The following CYP4V2 variants were observed in gnomAD, a reference collection of about 807,000 sequenced individuals.
CYP4V2 encodes the protein cytochrome P450 4V2.
In CYP4V2, 55 loss-of-function variants were observed where a neutral mutation model predicts 60.8. The ratio of observed to expected loss-of-function variants is 0.90; its 90% CI spans 0.73 to 1.13. The LOEUF is 1.13. Ranked by LOEUF, CYP4V2 falls within the 50% of genes most tolerant of loss-of-function variation. The probability of loss-of-function intolerance (pLI) is 0.00; values close to 1 mark genes in which losing one functional copy is unlikely to be tolerated. For missense variants in CYP4V2, 675 were observed against 662.9 expected (o/e 1.02, Z -0.20); for synonymous variants, 239 against 236.8 (o/e 1.01, Z -0.08).
At chr4:186,205,580 G>A (rs926695485) in intron 8 of CYP4V2, among the ~76,000 whole-genome samples, 37 of 152,208 alleles carry the variant, frequency 2.4e-4, no homozygotes, top group Admixed American at 1.3e-3. Context: ...GTCATGGGTC[G>A]TGCATTTGAG....
intron 5 of CYP4V2, 102 bp downstream of exon 5, chr4:186,197,704 T>C: frequency 1.7e-6 from 2 of 1,211,810 alleles, no homozygotes; most frequent in Non-Finnish European, 1.2e-6. Flanking sequence ...GGTTTCAAAA[T>C]TAAACATTAA....
intron 7 of CYP4V2, chr4:186,203,494 G>A (rs1736389571): frequency 6.6e-6 from 1 of 152,356 alleles, no homozygotes; most frequent in Non-Finnish European, 1.5e-5. Flanking sequence ...CCAGGTTCCA[G>A]CTGTGAGCTA....
In CYP4V2 at chr4:186,208,942, C is replaced by T. The variant is rs776616377; in HGVS notation, c.1168C>T (p.Arg390Cys). Residue 390 changes from arginine (R) to cysteine (C), a missense_variant, in exon 9 of 11, where the codon CGC (arginine) becomes TGC (cysteine). Coordinates refer to ENST00000378802, the MANE Select transcript of CYP4V2 (RefSeq NM_207352.4). ...GGAATGTGTTATTAAGGAGACCCTTCGCCTTTTTCCTTCTGTTCCTTTATT... is the reference window on the plus strand; with the variant it reads ...GGAATGTGTTATTAAGGAGACCCTTTGCCTTTTTCCTTCTGTTCCTTTATT... ...YLECVIKETL[R>C]LFPSVPLFAR... 1.7e-5 allele frequency: 27 copies of T among 1,614,068 alleles called. No homozygotes were observed. Among genetic ancestry groups the T allele is most frequent in the African/African-American group, 5.3e-5 (4 of 74,904 alleles).
intron 6 of CYP4V2, among the ~76,000 whole-genome samples, 182 bp downstream of exon 6, chr4:186,199,265 G>A (rs72646269): frequency 0.015 from 2,300 of 152,142 alleles, 28 homozygotes; most frequent in Non-Finnish European, 0.022. Flanking sequence ...TAACATACCC[G>A]GTGTAGGACT....
chr4:186,194,238 C>T (rs765640017), intron 1 of CYP4V2, among the ~76,000 whole-genome samples: 1 of 152,096 alleles, frequency 6.6e-6, no homozygotes, highest in Non-Finnish European at 1.5e-5. Flanking sequence ...ACATCAAAAC[C>T]TAATAATTAT....
At position 186,210,740 on chromosome 4, in the gene CYP4V2, T is replaced by A; in HGVS notation, c.*99T>A. Reference sequence around the variant, plus strand: ...AGATCATGAGTTCAATATGCTTGAATCCCCTAGACCTAATTTTTCCTTGAT... The same window carrying A: ...AGATCATGAGTTCAATATGCTTGAAACCCCTAGACCTAATTTTTCCTTGAT... On this transcript the variant is annotated 3_prime_UTR_variant, in exon 11 of 11. Coordinates refer to ENST00000378802, the MANE Select transcript of CYP4V2 (RefSeq NM_207352.4). 2 of 1,452,622 alleles carry A rather than the reference T, an allele frequency of 1.4e-6. No homozygotes were observed. The highest frequency in any genetic ancestry group is 1.9e-6 in the Non-Finnish European group (2 of 1,053,476). 90.0% of individuals were successfully genotyped at this position (1,452,622 alleles called of 1,614,324 possible).
At chr4:186,207,449 T>A (rs1736554028) in intron 8 of CYP4V2, among the ~76,000 whole-genome samples, 1 of 145,680 alleles carries the variant, frequency 6.9e-6, no homozygotes, top group Admixed American at 6.8e-5. Flanking sequence ...AAAAAAACAT[T>A]TGAGCAACTA....
intron 1 of CYP4V2, chr4:186,192,242 TTG>T (rs1435638699): frequency 1.4e-6 from 1 of 730,934 alleles, no homozygotes; most frequent in Non-Finnish European, 2.4e-6. Flanking sequence ...AGCATTTTCT[TTG>T]TGTGTAGCAC....
intron 7 of CYP4V2, chr4:186,204,793 C>T (rs1029840960): frequency 6.3e-6 from 2 of 319,266 alleles, no homozygotes; most frequent in South Asian, 2.9e-5. Context: ...ACACCTCTAC[C>T]CCCTGGTGCC....
At chr4:186,210,168 A>G (rs989370601) in intron 10 of CYP4V2, among the ~76,000 whole-genome samples, 12 of 152,198 alleles carry the variant, frequency 7.9e-5, no homozygotes, top group Non-Finnish European at 1.3e-4. Flanking sequence ...ATCCATAGTA[A>G]ATGAAAGACC....
chr4:186,193,414 A>AATACTG (rs1255804223), intron 1 of CYP4V2, among the ~76,000 whole-genome samples: 1 of 152,224 alleles, frequency 6.6e-6, no homozygotes, highest in African/African-American at 2.4e-5. Flanking sequence ...GACAATGACG[A>AATACTG]ATACTGTCTT....
At chr4:186,199,247 T>C (rs1736239028) in intron 6 of CYP4V2, among the ~76,000 whole-genome samples, 164 bp downstream of exon 6, 1 of 152,240 alleles carries the variant, frequency 6.6e-6, no homozygotes, top group Non-Finnish European at 1.5e-5. Context: ...ATGATGTTGA[T>C]GTTTTGTTAA....
chr4:186,200,509 A>G (rs1736276028), intron 6 of CYP4V2, among the ~76,000 whole-genome samples: 1 of 151,792 alleles, frequency 6.6e-6, no homozygotes, highest in South Asian at 2.1e-4. Flanking sequence ...ATCACATTAT[A>G]ATAATAAGTA....
rs780761106 is a variant in CYP4V2 at position 186,191,792 on chromosome 4, C to T, written c.-32C>T. On this transcript the variant is annotated 5_prime_UTR_variant, in exon 1 of 11. Coordinates refer to ENST00000378802, the MANE Select transcript of CYP4V2 (RefSeq NM_207352.4). Reference sequence around the variant, plus strand: ...ACGCCCCCGCGGGCCCGCACTTTCCCGGAGTGCACCCCGCGGCCGCCAGCC... The same window carrying T: ...ACGCCCCCGCGGGCCCGCACTTTCCTGGAGTGCACCCCGCGGCCGCCAGCC... 4.7e-6 allele frequency: 7 copies of T among 1,500,484 alleles called. No homozygotes were observed. In the East Asian group the frequency reaches 1.0e-4, roughly 22 times the overall value. 92.9% of individuals were successfully genotyped at this position (1,500,484 alleles called of 1,614,324 possible). A position where few individuals can be genotyped will look rare whatever the true frequency, so the allele number is the denominator to read the frequency against.
At chr4:186,206,092 C>T (rs1223945676) in intron 8 of CYP4V2, among the ~76,000 whole-genome samples, 1 of 152,232 alleles carries the variant, frequency 6.6e-6, no homozygotes, top group African/African-American at 2.4e-5. Context: ...GTCTCTTCAG[C>T]TTCCGGTGGC....
intron 8 of CYP4V2, among the ~76,000 whole-genome samples, chr4:186,207,739 C>T (rs56105926): frequency 0.14 from 20,904 of 151,764 alleles, 1,745 homozygotes; most frequent in Admixed American, 0.2. Flanking sequence ...TACCTAATTC[C>T]GGAACATTTT....
intron 7 of CYP4V2, chr4:186,204,979 A>G: frequency 1.7e-6 from 1 of 605,444 alleles, no homozygotes. Context: ...AGCGTGCAAC[A>G]CCGTGCGGCG....
chr4:186,211,664 TAC>T lies in CYP4V2; in HGVS notation c.*1055_*1056del, dbSNP rs60425964. 120 of 138,422 alleles carry T rather than the reference TAC, an allele frequency of 8.7e-4. 1 individual carries two copies. The East Asian group carries it at 0.011, about 12-fold the overall frequency. The allele number at this position is 138,422 out of a possible 1,614,324, so 8.6% of individuals were successfully genotyped here. On this transcript the variant is annotated 3_prime_UTR_variant, in exon 11 of 11. Coordinates refer to ENST00000378802, the MANE Select transcript of CYP4V2 (RefSeq NM_207352.4). ...TCATGGTGACTCAGGAATACACACATACACACACACACACACACACACACACA... is the reference window on the plus strand; with the variant it reads ...TCATGGTGACTCAGGAATACACACATACACACACACACACACACACACACA...
chr4:186,211,706 T>TACACACACACAC lies in CYP4V2; in HGVS notation c.*1066_*1067insCACACACACACA, dbSNP rs1736730078. On this transcript the variant is annotated 3_prime_UTR_variant, in exon 11 of 11. Coordinates refer to ENST00000378802, the MANE Select transcript of CYP4V2 (RefSeq NM_207352.4). Reference sequence around the variant, plus strand: ...ACACACACACACACACATACACACATATAATTTGAAAGAGGTGAGTATGTA... The same window carrying TACACACACACAC: ...ACACACACACACACACATACACACATACACACACACACATAATTTGAAAGAGGTGAGTATGTA... 9.9e-5 allele frequency: 8 copies of TACACACACACAC among 80,718 alleles called. No individual in the cohort carries two copies. The Admixed American group carries it at 1.0e-3, about 10-fold the overall frequency. 5.0% of individuals were successfully genotyped at this position (80,718 alleles called of 1,614,324 possible).
Sources: allele counts gnomAD v4.1 joint callset (sites outside exome capture counted in the v4.1 genomes callset), GRCh38; gene constraint gnomAD v4.1.1; transcripts MANE v1.5; gene names NCBI Gene and HGNC (gene_info 2026-07-23, HGNC 2026-07-21).